Variants in CXADR observed in about 807,000 individuals in gnomAD.
The protein encoded by CXADR is CXADR cell adhesion molecule.
In CXADR, 20 loss-of-function variants were observed where a neutral mutation model predicts 40.3. That is an observed-to-expected ratio of 0.50 (90% CI 0.35 to 0.72). The LOEUF (loss-of-function observed/expected upper bound fraction) is 0.72, where lower values mean the gene tolerates loss of function less well. Among genes scored for constraint, CXADR ranks in the 30% least tolerant of loss-of-function variants. The pLI is 0.01. For missense variants in CXADR, 332 were observed against 449.1 expected, an observed-to-expected ratio of 0.74 and a Z score of 2.36; for synonymous variants, 150 against 161.3, an observed-to-expected ratio of 0.93 and a Z score of 0.53.
the CXADR span, chr21:17,608,892 C>G: frequency 4.3e-6 from 6 of 1,398,422 alleles, no homozygotes; most frequent in Non-Finnish European, 5.8e-6. Flanking sequence ...TAGGCATGGT[C>G]TGCACACCCT....
intron 1 of CXADR, among the ~76,000 whole-genome samples, chr21:17,545,430 A>T (rs1008571246): frequency 1.3e-5 from 2 of 152,028 alleles, no homozygotes; most frequent in African/African-American, 2.4e-5. Flanking sequence ...TTTGCATTTA[A>T]TTTTTTAATT....
At chr21:17,616,497 G>A in the CXADR span, among the ~76,000 whole-genome samples, 9 of 151,830 alleles carry the variant, frequency 5.9e-5, no homozygotes, top group East Asian at 6.0e-4. Context: ...CACCATGCAC[G>A]GCTAATTTTT....
intron 1 of CXADR, among the ~76,000 whole-genome samples, chr21:17,540,974 TTTG>T (rs1224296847): frequency 6.6e-6 from 1 of 152,160 alleles, no homozygotes; most frequent in East Asian, 1.9e-4. Context: ...TAGACTTTAT[TTTG>T]TACAGCAGTT....
At position 17,578,689 on chromosome 21, in the gene CXADR, C is replaced by T. The variant is rs527397480; in HGVS notation, c.1017+13078C>T. 7.2e-4 allele frequency among the ~76,000 whole-genome samples: 110 copies of T among 152,212 alleles called. 1 individual carries two copies. The highest frequency in any genetic ancestry group is 4.8e-3 in the South Asian group (23 of 4,826). ...ACAAAAAATATAAAAATTAGCCGGG[C>T]ATGGTGGCACGTGCCTGTTGTCCCA... On this transcript the variant is annotated intron_variant, in intron 7 of 7. Transcript: ENST00000400169.
intron 1 of CXADR, among the ~76,000 whole-genome samples, chr21:17,539,758 T>C (rs2060803594): frequency 6.6e-6 from 1 of 152,210 alleles, no homozygotes; most frequent in Non-Finnish European, 1.5e-5. Flanking sequence ...CTCGTGTCTT[T>C]ATTGGCTAAT....
intron 1 of CXADR, among the ~76,000 whole-genome samples, chr21:17,539,057 C>G (rs1215094203): frequency 6.6e-6 from 1 of 152,104 alleles, no homozygotes; most frequent in Non-Finnish European, 1.5e-5. Context: ...CATTTTGTCT[C>G]CAGGTTTGTG....
At chr21:17,624,047 G>A in the CXADR span, among the ~76,000 whole-genome samples, 8 of 152,072 alleles carry the variant, frequency 5.3e-5, no homozygotes, top group African/African-American at 1.9e-4. Context: ...GGCTGATCGT[G>A]TCATGCCTCT....
the CXADR span, chr21:17,613,159 C>G: frequency 6.6e-6 from 1 of 152,250 alleles, no homozygotes; most frequent in African/African-American, 2.4e-5. Flanking sequence ...CTTCCCTCCC[C>G]GGCAAAAAGC....
chr21:17,570,292 C>T (rs532809655), downstream of CXADR, among the ~76,000 whole-genome samples: 2 of 152,168 alleles, frequency 1.3e-5, no homozygotes, highest in Non-Finnish European at 2.9e-5. Flanking sequence ...ACCATTATCT[C>T]CCCATTCCTG....
the CXADR span, among the ~76,000 whole-genome samples, chr21:17,619,704 G>A: frequency 6.6e-6 from 1 of 151,886 alleles, no homozygotes; most frequent in African/African-American, 2.4e-5. Context: ...TCCATTATAA[G>A]GTTGCTTTGT....
intron 1 of CXADR, chr21:17,530,436 T>C (rs978760292): frequency 2.2e-6 from 1 of 456,312 alleles, no homozygotes; most frequent in African/African-American, 2.0e-5. Context: ...TGCTGTGTGA[T>C]ATTCTATTAT....
chr21:17,631,140 T>C, the CXADR span, among the ~76,000 whole-genome samples: 3 of 152,248 alleles, frequency 2.0e-5, no homozygotes, highest in Non-Finnish European at 4.4e-5. Context: ...AATAGTTTGT[T>C]ACATTAGCAC....
At chr21:17,520,658 A>G (rs751862703) in intron 1 of CXADR, among the ~76,000 whole-genome samples, 3 of 152,224 alleles carry the variant, frequency 2.0e-5, no homozygotes, top group Non-Finnish European at 4.4e-5. Context: ...GATAGAGCTA[A>G]CACAGGAATC....
At chr21:17,622,858 T>G in the CXADR span, among the ~76,000 whole-genome samples, 1 of 152,214 alleles carries the variant, frequency 6.6e-6, no homozygotes, top group South Asian at 2.1e-4. Context: ...TCTAAGACAC[T>G]AAAATGTTTC....
At chr21:17,593,325 T>C (rs1421541657) in exon 8 of CXADR, 3 of 797,780 alleles carry the variant, frequency 3.8e-6, no homozygotes, top group East Asian at 6.9e-5. Flanking sequence ...ACATCTACTT[T>C]ATGCAATGGC....
At chr21:17,600,765 T>C in the CXADR span, among the ~76,000 whole-genome samples, 1 of 152,346 alleles carries the variant, frequency 6.6e-6, no homozygotes. Context: ...TTTCTTCAGA[T>C]AGCTATGCTG....
chr21:17,578,429 C>T (rs2061336841), intron 7 of CXADR, among the ~76,000 whole-genome samples: 1 of 152,056 alleles, frequency 6.6e-6, no homozygotes, highest in Non-Finnish European at 1.5e-5. Context: ...AGTCAGCGCC[C>T]TGGGGCACGC....
Position 17,567,337 on chromosome 21 carries a change from T to G in CXADR, c.*1645T>G. ...GGATTTGTGTATAGTTTTACATATT[T>G]GGAAGCATTTTAAAAACAGGTTTTA... On this transcript the variant is annotated 3_prime_UTR_variant, in exon 7 of 7. Coordinates refer to ENST00000284878, the MANE Select transcript of CXADR (RefSeq NM_001338.5). 10 of 985,342 alleles carry G rather than the reference T, an allele frequency of 1.0e-5. No homozygotes were observed. Among genetic ancestry groups the G allele is most frequent in the Non-Finnish European group, 1.2e-5 (10 of 829,810 alleles). The allele number at this position is 985,342 out of a possible 1,614,324, so 61.0% of individuals were successfully genotyped here.
intron 4 of CXADR, 40 bp from the exon 5 acceptor site, chr21:17,560,662 C>T: frequency 2.5e-6 from 4 of 1,580,518 alleles, no homozygotes; most frequent in East Asian, 2.2e-5. Context: ...ACAATACATA[C>T]TATAAAAATG....
Sources: gnomAD v4.1 joint callset for allele counts (sites outside exome capture counted in the v4.1 genomes callset) on GRCh38, gnomAD v4.1.1 for gene constraint, MANE v1.5 for transcripts, NCBI Gene and HGNC (gene_info 2026-07-23, HGNC 2026-07-21) for gene names.